The following RNF150 variants were observed in gnomAD, a reference collection of about 807,000 sequenced individuals.
RNF150 encodes ring finger protein 150.
In RNF150, 24 loss-of-function variants were observed where a neutral mutation model predicts 39.3. The ratio of observed to expected loss-of-function variants is 0.61; its 90% confidence interval spans 0.44 to 0.86. RNF150 has a LOEUF of 0.86. RNF150 is among the 40% of genes least tolerant of loss of function. The probability of loss-of-function intolerance (pLI) is 0.00; values close to 1 mark genes in which losing one functional copy is unlikely to be tolerated. For missense variants in RNF150, 502 were observed against 587.8 expected (o/e 0.85, Z 1.51); for synonymous variants, 255 against 227.3 (o/e 1.12, Z -1.10).
intron 1 of RNF150, among the ~76,000 whole-genome samples, chr4:141,087,679 C>T (rs1047136883): frequency 6.6e-5 from 10 of 152,180 alleles, no homozygotes; most frequent in South Asian, 4.2e-4. Context: ...AATCACAATG[C>T]GCTATTTTTC....
At chr4:140,892,250 C>A (rs368161213) in intron 6 of RNF150, among the ~76,000 whole-genome samples, 110 of 152,274 alleles carry the variant, frequency 7.2e-4, no homozygotes, top group African/African-American at 2.5e-3. Flanking sequence ...TGTAATGAAT[C>A]TGTTGAAGTT....
chr4:141,025,614 A>C (rs1735666865), intron 1 of RNF150, among the ~76,000 whole-genome samples: 1 of 152,164 alleles, frequency 6.6e-6, no homozygotes, highest in South Asian at 2.1e-4. Context: ...TAAAACAGGT[A>C]TAATAATAAC....
chr4:140,910,468 T>C (rs976892185), intron 6 of RNF150, among the ~76,000 whole-genome samples: 1 of 152,176 alleles, frequency 6.6e-6, no homozygotes, highest in African/African-American at 2.4e-5. Context: ...AATATTTTTA[T>C]GAAAACTACC....
At chr4:141,041,432 GCAGA>G (rs1736368539) in intron 1 of RNF150, among the ~76,000 whole-genome samples, 1 of 152,094 alleles carries the variant, frequency 6.6e-6, no homozygotes, top group Non-Finnish European at 1.5e-5. Context: ...GAAAACAAAA[GCAGA>G]CAGAGGAAGA....
At chr4:141,157,947 C>T (rs1727440619) in intron 1 of RNF150, among the ~76,000 whole-genome samples, 1 of 152,196 alleles carries the variant, frequency 6.6e-6, no homozygotes, top group Admixed American at 6.5e-5. Context: ...ATTATCCCCT[C>T]CTAGTGCTCA....
Position 141,068,694 on chromosome 4 carries a change from T to C in RNF150, c.484+63631A>G, listed in dbSNP as rs1195993292. Among the ~76,000 whole-genome samples, 8 of 148,564 alleles carry C rather than the reference T, an allele frequency of 5.4e-5. No individual in the cohort carries two copies. The South Asian group carries it at 8.7e-4, about 16-fold the overall frequency. On this transcript the variant is annotated intron_variant, in intron 1 of 6. Coordinates refer to ENST00000515673, the MANE Select transcript of RNF150 (RefSeq NM_020724.2). ...TATTGATTCTTCCTACCCATGAGCA[T>C]GGAATGTTCTTCCATTTGTTTTTAT... is the stretch of plus-strand genomic sequence containing the variant.
intron 6 of RNF150, among the ~76,000 whole-genome samples, chr4:140,910,043 C>G (rs1230815663): frequency 6.6e-6 from 1 of 152,128 alleles, no homozygotes; most frequent in African/African-American, 2.4e-5. Flanking sequence ...TAGTGGGGCC[C>G]TCAGTGATTT....
At position 141,006,237 on chromosome 4, in the gene RNF150, T is replaced by C. The variant is rs796852675; in HGVS notation, c.485-38364A>G. Among the ~76,000 whole-genome samples, 16 of 51,528 alleles carry C rather than the reference T, an allele frequency of 3.1e-4. No homozygotes were observed. The East Asian group carries it at 6.0e-3, about 19-fold the overall frequency. The allele number at this position is 51,528 out of a possible 152,430, so 33.8% of individuals were successfully genotyped here. The stretch of plus-strand genomic sequence containing the variant: ...ATATATATACACATATATATGTGTA[T>C]GTATATATATACATACATATATACG... On this transcript the variant is annotated intron_variant, in intron 1 of 6. Coordinates refer to ENST00000515673, the MANE Select transcript of RNF150 (RefSeq NM_020724.2).
At chr4:141,097,105 T>G in intron 1 of RNF150, among the ~76,000 whole-genome samples, 1 of 152,338 alleles carries the variant, frequency 6.6e-6, no homozygotes, top group South Asian at 2.1e-4. Flanking sequence ...ATCTGCAATA[T>G]CAAACTATTA....
At chr4:141,029,557 G>A (rs1354593017) in intron 1 of RNF150, among the ~76,000 whole-genome samples, 2 of 152,132 alleles carry the variant, frequency 1.3e-5, no homozygotes, top group African/African-American at 4.8e-5. Context: ...CCTTACTATT[G>A]TTATGGGTTT....
chr4:140,873,143 A>C (rs1197648364), intron 6 of RNF150, among the ~76,000 whole-genome samples: 1 of 152,314 alleles, frequency 6.6e-6, no homozygotes, highest in East Asian at 1.9e-4. Flanking sequence ...AATATTTGCA[A>C]GTCAGGACAT....
At chr4:141,183,167 GT>G (rs1727940892) in intron 1 of RNF150, among the ~76,000 whole-genome samples, 1 of 148,830 alleles carries the variant, frequency 6.7e-6, no homozygotes, top group Non-Finnish European at 1.5e-5. Context: ...TTATGGTTAT[GT>G]GTAGAGAAGT....
intron 1 of RNF150, among the ~76,000 whole-genome samples, chr4:141,093,369 A>G (rs1177575646): frequency 7.3e-6 from 1 of 137,224 alleles, no homozygotes; most frequent in Non-Finnish European, 1.5e-5. Flanking sequence ...CCATCTCAAA[A>G]AAAAAAAAAG....
At position 141,064,971 on chromosome 4, in the gene RNF150, T is replaced by C. The variant is rs183254767; in HGVS notation, c.484+67354A>G. Among the ~76,000 whole-genome samples, 13 of 152,340 alleles carry C rather than the reference T, an allele frequency of 8.5e-5. No homozygotes were observed. The East Asian group carries it at 2.5e-3, about 29-fold the overall frequency. ...ACCTCTGCCTCCTAGGTTCAAGCGATTCTCCTGCCTCAGCCTCCCAAGTAG... is the reference window on the plus strand; with the variant it reads ...ACCTCTGCCTCCTAGGTTCAAGCGACTCTCCTGCCTCAGCCTCCCAAGTAG... On this transcript the variant is annotated intron_variant, in intron 1 of 6. Transcript: ENST00000515673.
chr4:140,948,568 G>A (rs960287714), intron 3 of RNF150, among the ~76,000 whole-genome samples: 4 of 152,136 alleles, frequency 2.6e-5, no homozygotes, highest in Non-Finnish European at 1.5e-5. Context: ...CAGTGAAGGA[G>A]ACTACTGAAA....
At chr4:141,060,497 T>C (rs1737172854) in intron 1 of RNF150, among the ~76,000 whole-genome samples, 2 of 152,260 alleles carry the variant, frequency 1.3e-5, no homozygotes, top group South Asian at 4.2e-4. Context: ...GCTTCCAAGA[T>C]TCTGTGTAAT....
chr4:140,911,285 G>T lies in RNF150; in HGVS notation c.1057C>A (p.Gln353Lys). The T allele has an allele frequency of 6.2e-7, 1 of 1,614,150 alleles. No individual in the cohort carries two copies. The highest frequency in any genetic ancestry group is 8.5e-7 in the Non-Finnish European group (1 of 1,180,028). ...GTTGTGTCGCTGGCACCTGTGATCT[G>T]GTTGGTGGGTGGACCTCCCAGAGAG... is the stretch of plus-strand genomic sequence containing the variant. The part of the protein sequence containing the change: ...EGSLGGPPTN[Q>K]ITGASDTTVN... Residue 353 changes from glutamine to lysine, a missense_variant, in exon 6 of 7, where the codon CAG becomes AAG. Physicochemically the swap from Gln to Lys is moderately conservative, Grantham distance 53 (BLOSUM62 1). Coordinates refer to ENST00000515673, the MANE Select transcript of RNF150 (RefSeq NM_020724.2).
At chr4:141,000,007 AGAAG>A (rs1560678907) in intron 1 of RNF150, among the ~76,000 whole-genome samples, 2 of 35,334 alleles carry the variant, frequency 5.7e-5, no homozygotes, top group African/African-American at 1.9e-4. Context: ...AAGAAGAAGA[AGAAG>A]AAGAAGAAGA....
intron 1 of RNF150, among the ~76,000 whole-genome samples, chr4:141,077,064 G>C (rs1392032786): frequency 6.6e-6 from 1 of 152,020 alleles, no homozygotes; most frequent in Non-Finnish European, 1.5e-5. Flanking sequence ...GCACTTTTCA[G>C]CTCTACTCAC....
Sources: gnomAD v4.1 joint callset for allele counts (sites outside exome capture counted in the v4.1 genomes callset) on GRCh38, gnomAD v4.1.1 for gene constraint, MANE v1.5 for transcripts, NCBI Gene and HGNC (gene_info 2026-07-23, HGNC 2026-07-21) for gene names.